The following DCC variants were observed in gnomAD, a reference collection of about 807,000 sequenced individuals.
DCC encodes DCC netrin 1 receptor.
Under a neutral mutation model 172.5 loss-of-function variants are expected in DCC, and 58 were observed. The observed-to-expected ratio is 0.34, with a 90% CI of 0.27 to 0.42. The LOEUF is 0.42. Ranked by LOEUF, DCC falls within the 10% of genes least tolerant of loss-of-function variation. The pLI is 1.00. For synonymous variants in DCC, 709 were observed against 644.5 expected, an observed-to-expected ratio of 1.10 and a Z score of -1.52; for missense variants, 1,740 against 1,791.0, an observed-to-expected ratio of 0.97 and a Z score of 0.51.
At chr18:53,194,368 A>T (rs961799133) in intron 9 of DCC, among the ~76,000 whole-genome samples, 3 of 152,198 alleles carry the variant, frequency 2.0e-5, no homozygotes, top group Non-Finnish European at 2.9e-5. Flanking sequence ...GGCTCCATTT[A>T]TATCGGTGAT....
intron 1 of DCC, among the ~76,000 whole-genome samples, chr18:52,495,264 C>A (rs2030696684): frequency 6.6e-6 from 1 of 152,076 alleles, no homozygotes; most frequent in Non-Finnish European, 1.5e-5. Flanking sequence ...ATTTGGTTTT[C>A]ATTTCCCTCT....
In DCC at chr18:53,496,586, A is replaced by C. The variant is rs149742666; in HGVS notation, c.3899-2712A>C. Among the ~76,000 whole-genome samples the C allele has an allele frequency of 1.7e-3, 259 of 151,620 alleles. 1 individual carries two copies. The highest frequency in any genetic ancestry group is 5.9e-3 in the African/African-American group (245 of 41,296). ...GATCACAACTCCTCACCAGCATGGG[A>C]ACAAAACTGGACAGAGAATGAGTCT... On this transcript the variant is annotated intron_variant, in intron 26 of 28. Transcript: ENST00000442544.
intron 5 of DCC, among the ~76,000 whole-genome samples, chr18:53,053,811 C>T (rs1164193041): frequency 1.3e-5 from 2 of 152,120 alleles, no homozygotes; most frequent in African/African-American, 4.8e-5. Context: ...CATGATTTAA[C>T]ACTTAAATCT....
chr18:53,519,919 C>A (rs1001684314), intron 27 of DCC, among the ~76,000 whole-genome samples: 5 of 151,992 alleles, frequency 3.3e-5, no homozygotes, highest in African/African-American at 1.2e-4. Context: ...TTCCTAATTG[C>A]CATAATTTCT....
At chr18:52,718,783 T>C (rs1385689933) in intron 1 of DCC, among the ~76,000 whole-genome samples, 1 of 152,204 alleles carries the variant, frequency 6.6e-6, no homozygotes, top group Admixed American at 6.5e-5. Flanking sequence ...TTATTAAATA[T>C]GGGCCCTCAT....
intron 8 of DCC, among the ~76,000 whole-genome samples, chr18:53,159,820 A>G (rs2054805912): frequency 6.6e-6 from 1 of 152,182 alleles, no homozygotes; most frequent in South Asian, 2.1e-4. Context: ...AATACGAATA[A>G]TACTTTTTTG....
At chr18:52,746,443 C>G (rs1599069341) in intron 1 of DCC, among the ~76,000 whole-genome samples, 1 of 152,270 alleles carries the variant, frequency 6.6e-6, no homozygotes, top group Admixed American at 6.5e-5. Context: ...ATTGCCTTAA[C>G]CAGAAGCTTT....
At chr18:52,573,016 G>A (rs1348520557) in intron 1 of DCC, among the ~76,000 whole-genome samples, 1 of 152,078 alleles carries the variant, frequency 6.6e-6, no homozygotes, top group Non-Finnish European at 1.5e-5. Flanking sequence ...CCTGGCCTAA[G>A]AAAGGCAAAA....
intron 2 of DCC, among the ~76,000 whole-genome samples, chr18:52,864,080 A>C (rs1474523929): frequency 6.6e-6 from 1 of 152,224 alleles, no homozygotes; most frequent in African/African-American, 2.4e-5. Context: ...ACAAAAATAC[A>C]GACATAAAGA....
intron 1 of DCC, among the ~76,000 whole-genome samples, chr18:52,452,469 G>A (rs1196291554): frequency 1.3e-5 from 2 of 152,156 alleles, no homozygotes; most frequent in Non-Finnish European, 2.9e-5. Flanking sequence ...TTCGAGGGTT[G>A]GATGTAATTG....
At chr18:52,411,152 G>A (rs571919979) in intron 1 of DCC, among the ~76,000 whole-genome samples, 2 of 152,066 alleles carry the variant, frequency 1.3e-5, no homozygotes, top group South Asian at 2.1e-4. Flanking sequence ...AAGTTACTAC[G>A]GTTTGCATGC....
At chr18:52,348,504 T>A (rs1983977512) in intron 1 of DCC, among the ~76,000 whole-genome samples, 1 of 152,206 alleles carries the variant, frequency 6.6e-6, no homozygotes, top group Non-Finnish European at 1.5e-5. Context: ...TCTGGTAACT[T>A]CTCATTGTGG....
At chr18:53,205,470 A>G in intron 10 of DCC, 106 bp downstream of exon 10, 1 of 1,077,566 alleles carries the variant, frequency 9.3e-7, no homozygotes, top group African/African-American at 1.5e-5. Context: ...CTCTTGAAAC[A>G]GCCCAGTGTT....
chr18:52,881,947 C>A (rs1434163564), intron 2 of DCC, among the ~76,000 whole-genome samples: 2 of 151,954 alleles, frequency 1.3e-5, no homozygotes, highest in Admixed American at 6.6e-5. Context: ...AAATATCTTT[C>A]TATTTTTGTA....
At chr18:52,459,811 G>A (rs1420441689) in intron 1 of DCC, among the ~76,000 whole-genome samples, 1 of 151,862 alleles carries the variant, frequency 6.6e-6, no homozygotes, top group African/African-American at 2.4e-5. Context: ...TGTTAAGGAT[G>A]ATGGCCTCTA....
chr18:52,787,399 C>T (rs1340523835), intron 2 of DCC, among the ~76,000 whole-genome samples: 1 of 151,960 alleles, frequency 6.6e-6, no homozygotes, highest in African/African-American at 2.4e-5. Flanking sequence ...CAAATGGTGA[C>T]AAAGTTTCCA....
intron 12 of DCC, among the ~76,000 whole-genome samples, chr18:53,271,233 A>G (rs1017260896): frequency 1.3e-5 from 2 of 152,198 alleles, no homozygotes; most frequent in Admixed American, 6.5e-5. Flanking sequence ...GTCTCTGACC[A>G]TAGATACAGA....
rs567829264 is a variant in DCC, at chr18:52,712,839, T to A, written c.92-39215T>A. 3.3e-5 allele frequency among the ~76,000 whole-genome samples: 5 copies of A among 152,292 alleles called. No individual in the cohort carries two copies. The South Asian group carries it at 1.0e-3, about 32-fold the overall frequency. ...AGAGGGAGAGCTGCAGATGGATATGTTTAAAAGGGCTGAGTGTGTAGAGTT... is the reference window on the plus strand; with the variant it reads ...AGAGGGAGAGCTGCAGATGGATATGATTAAAAGGGCTGAGTGTGTAGAGTT... On this transcript the variant is annotated intron_variant, in intron 1 of 28. Coordinates refer to ENST00000442544, the MANE Select transcript of DCC (RefSeq NM_005215.4).
intron 12 of DCC, among the ~76,000 whole-genome samples, chr18:53,254,861 T>G (rs894298669): frequency 4.6e-5 from 7 of 152,046 alleles, no homozygotes. Context: ...CTATGAAACA[T>G]AGTAATATTG....
Sources: gnomAD v4.1 joint callset for allele counts (sites outside exome capture counted in the v4.1 genomes callset) on GRCh38, gnomAD v4.1.1 for gene constraint, MANE v1.5 for transcripts, NCBI Gene and HGNC (gene_info 2026-07-23, HGNC 2026-07-21) for gene names.